PDE11A: variants seen among roughly 807,000 people sequenced by gnomAD.
The protein encoded by PDE11A is phosphodiesterase 11A.
Under a neutral mutation model 100.5 loss-of-function variants are expected in PDE11A, and 100 were observed. The ratio of observed to expected loss-of-function variants is 1.00; its 90% CI spans 0.85 to 1.18. The LOEUF is 1.18. Ranked by LOEUF, PDE11A falls within the 50% of genes most tolerant of loss-of-function variation. The pLI is 0.00. For missense variants in PDE11A, 1,141 were observed against 1,152.6 expected (o/e 0.99, Z 0.15); for synonymous variants, 381 against 420.8 (o/e 0.91, Z 1.16).
intron 3 of PDE11A, among the ~76,000 whole-genome samples, chr2:177,899,043 A>T (rs913811629): frequency 6.6e-6 from 1 of 152,178 alleles, no homozygotes; most frequent in Non-Finnish European, 1.5e-5. Context: ...TGACACAGGG[A>T]TCATATAACC....
chr2:177,680,932 G>GA (rs11304036), intron 15 of PDE11A, 29 bp from the exon 16 acceptor site: 36,152 of 972,026 alleles, frequency 0.037, no homozygotes, highest in South Asian at 0.051. Context: ...AAGAAAGAAA[G>GA]AAAAAAAAAA....
chr2:177,735,361 C>T (rs1354003424), intron 10 of PDE11A, among the ~76,000 whole-genome samples: 1 of 151,806 alleles, frequency 6.6e-6, no homozygotes, highest in Non-Finnish European at 1.5e-5. Context: ...CTGAGATGCT[C>T]ATGGCCTACC....
At chr2:177,835,361 T>G (rs2083378434) in intron 6 of PDE11A, among the ~76,000 whole-genome samples, 1 of 152,102 alleles carries the variant, frequency 6.6e-6, no homozygotes, top group African/African-American at 2.4e-5. Context: ...TCTTTTTCCT[T>G]TTTCCTCCTC....
chr2:177,966,559 A>G (rs1365765179), intron 2 of PDE11A, among the ~76,000 whole-genome samples: 1 of 151,770 alleles, frequency 6.6e-6, no homozygotes, highest in Non-Finnish European at 1.5e-5. Context: ...TTTTTTTTTA[A>G]CATGAAGAGA....
intron 2 of PDE11A, among the ~76,000 whole-genome samples, chr2:178,101,614 C>A (rs34395717): frequency 0.099 from 15,009 of 152,148 alleles, 800 homozygotes; most frequent in African/African-American, 0.12. Flanking sequence ...TTGGTCAGCA[C>A]CCATTCTGAA....
intron 1 of PDE11A, among the ~76,000 whole-genome samples, chr2:178,025,718 G>A (rs575098101): frequency 6.6e-6 from 1 of 152,240 alleles, no homozygotes; most frequent in African/African-American, 2.4e-5. Context: ...ATTGTACCTA[G>A]AGTTAAAATG....
At chr2:178,060,215 G>A (rs553294629) in intron 1 of PDE11A, among the ~76,000 whole-genome samples, 60 of 152,300 alleles carry the variant, frequency 3.9e-4, no homozygotes, top group Admixed American at 1.1e-3. Flanking sequence ...CCTCAGAAGA[G>A]TGAGAAATGA....
At chr2:177,959,066 G>T (rs13405585) in intron 2 of PDE11A, among the ~76,000 whole-genome samples, 1 of 152,150 alleles carries the variant, frequency 6.6e-6, no homozygotes, top group Non-Finnish European at 1.5e-5. Flanking sequence ...TAAGAAAAGA[G>T]TAACTTGAAG....
At chr2:177,998,690 G>GTGT in intron 2 of PDE11A, 2 of 1,172,508 alleles carry the variant, frequency 1.7e-6, no homozygotes, top group Non-Finnish European at 1.3e-6. Context: ...TCACTTGATA[G>GTGT]GCATCTTTAT....
intron 6 of PDE11A, among the ~76,000 whole-genome samples, chr2:177,822,903 C>A (rs769582043): frequency 6.6e-6 from 1 of 151,942 alleles, no homozygotes; most frequent in Non-Finnish European, 1.5e-5. Context: ...AAAATACAAT[C>A]GACTTTTTAA....
chr2:177,637,997 A>ATTT (rs10556235), intron 19 of PDE11A, among the ~76,000 whole-genome samples: 2 of 106,536 alleles, frequency 1.9e-5, no homozygotes, highest in Middle Eastern at 6.0e-3. Flanking sequence ...ATATATATAT[A>ATTT]TTTTTTTTTT....
At chr2:177,841,856 GAGA>G (rs774178968) in intron 5 of PDE11A, among the ~76,000 whole-genome samples, 12 of 152,258 alleles carry the variant, frequency 7.9e-5, no homozygotes, top group East Asian at 7.7e-4. Flanking sequence ...GTACTTCAAA[GAGA>G]AGAAGAAGCT....
chr2:177,990,161 G>A (rs1240711229), intron 2 of PDE11A, among the ~76,000 whole-genome samples: 1 of 152,134 alleles, frequency 6.6e-6, no homozygotes, highest in East Asian at 1.9e-4. Context: ...GGTGGAATAA[G>A]GATTAACCTA....
At chr2:178,064,737 T>C (rs539502470) in intron 1 of PDE11A, among the ~76,000 whole-genome samples, 2 of 151,980 alleles carry the variant, frequency 1.3e-5, no homozygotes, top group South Asian at 4.2e-4. Flanking sequence ...GGTGGGAGGA[T>C]CACTTGAGCC....
At position 178,017,743 on chromosome 2, in the gene PDE11A, G is replaced by A. The variant is rs958291544; in HGVS notation, c.913-3283C>T. On this transcript the variant is annotated intron_variant, in intron 1 of 19. Coordinates refer to ENST00000286063, the MANE Select transcript of PDE11A (RefSeq NM_016953.4). ...TGGGAGGCTGAGGCCGGCAGATCAC[G>A]AAGTCAGGAGTTCGAGACCAGCCTG... 8.5e-5 allele frequency among the ~76,000 whole-genome samples: 13 copies of A among 152,092 alleles called. 1 individual carries two copies. Among genetic ancestry groups the A allele is most frequent in the South Asian group, 4.1e-4 (2 of 4,822 alleles).
chr2:177,787,390 A>G lies in PDE11A; in HGVS notation c.1738-18017T>C, dbSNP rs554306873. Among the ~76,000 whole-genome samples the G allele has an allele frequency of 2.1e-3, 324 of 151,492 alleles. 1 individual carries two copies. Among genetic ancestry groups the G allele is most frequent in the African/African-American group, 7.4e-3 (305 of 41,434 alleles). On this transcript the variant is annotated intron_variant, in intron 9 of 19. Transcript: ENST00000286063. ...CCCTAAAAGAGCTCCTGAAGGAAGC[A>G]CTAAACATGGAAAGGAACAACTGGT...
chr2:177,845,758 C>T (rs1307679080), intron 5 of PDE11A, among the ~76,000 whole-genome samples: 11 of 152,330 alleles, frequency 7.2e-5, no homozygotes, highest in East Asian at 3.9e-4. Flanking sequence ...ACTGAGTGAA[C>T]GAGACTCCGT....
At chr2:177,631,322 A>AAAAACAAAAAAAAC (rs1469522170) in intron 19 of PDE11A, among the ~76,000 whole-genome samples, 1 of 16,862 alleles carries the variant, frequency 5.9e-5, no homozygotes, top group African/African-American at 9.2e-5. Flanking sequence ...AAAAAAAAAA[A>AAAAACAAAAAAAAC]CAACCTAGGC....
At chr2:177,923,183 A>AT (rs1040009801) in intron 2 of PDE11A, among the ~76,000 whole-genome samples, 39 of 151,494 alleles carry the variant, frequency 2.6e-4, no homozygotes, top group Non-Finnish European at 7.4e-5. Context: ...TTTTCATTTA[A>AT]TTTTTTTAAA....
Sources: gnomAD v4.1 joint callset for allele counts (sites outside exome capture counted in the v4.1 genomes callset) on GRCh38, gnomAD v4.1.1 for gene constraint, MANE v1.5 for transcripts, NCBI Gene and HGNC (gene_info 2026-07-23, HGNC 2026-07-21) for gene names.